Variants in GRK2 observed in about 807,000 individuals in gnomAD.
GRK2 encodes the protein G protein-coupled receptor kinase 2.
A neutral mutation model predicts 97.8 loss-of-function variants in GRK2; 23 were observed. The observed-to-expected ratio is 0.24, with a 90% CI of 0.17 to 0.33. The LOEUF is 0.33. Among genes scored for constraint, GRK2 ranks in the 10% least tolerant of loss-of-function variants. The pLI is 1.00. For synonymous variants in GRK2, 425 were observed against 381.7 expected (o/e 1.11, Z -1.32); for missense variants, 633 against 956.9 (o/e 0.66, Z 4.47).
chr11:67,281,641 C>G lies in GRK2; in HGVS notation c.748-9C>G. Reference sequence around the variant, plus strand: ...ACTGCCCGCCCCCTCCCCTCCTCTCCCCTCCTAGGACTGCCCATTCATTGT... The same window carrying G: ...ACTGCCCGCCCCCTCCCCTCCTCTCGCCTCCTAGGACTGCCCATTCATTGT... On this transcript the variant is annotated splice_polypyrimidine_tract_variant and intron_variant, in intron 9 of 20. Coordinates refer to ENST00000308595, the MANE Select transcript of GRK2 (RefSeq NM_001619.5). The surrounding 1 kb of genome is among the most constrained non-coding windows in gnomAD (Gnocchi z 5.7). The G allele has an allele frequency of 6.2e-7, 1 of 1,610,328 alleles. No homozygotes were observed. The highest frequency in any genetic ancestry group is 1.7e-5 in the Admixed American group (1 of 59,966).
Position 67,274,009 on chromosome 11 carries a change from C to CTT in GRK2, c.114-3243_114-3242dup, listed in dbSNP as rs1186824487. On this transcript the variant is annotated intron_variant, in intron 1 of 20. Coordinates refer to ENST00000308595, the MANE Select transcript of GRK2 (RefSeq NM_001619.5). ...GCCATTCCCTCTGCCAAACTGGCAC[C>CTT]TTTTTTTTTTTTTTTTTTTTTGAGA... Among the ~76,000 whole-genome samples, 261 of 126,744 alleles carry CTT rather than the reference C, an allele frequency of 2.1e-3. 1 individual carries two copies. The highest frequency in any genetic ancestry group is 4.6e-3 in the Admixed American group (53 of 11,492). The allele number at this position is 126,744 out of a possible 152,430, so 83.1% of individuals were successfully genotyped here. A position where few individuals can be genotyped will look rare whatever the true frequency, so the allele number is the denominator to read the frequency against.
intron 15 of GRK2, 93 bp from the exon 16 acceptor site, chr11:67,283,614 C>T: frequency 1.6e-6 from 2 of 1,285,956 alleles, no homozygotes; most frequent in Admixed American, 1.8e-5. Flanking sequence ...AAGGAACTTG[C>T]CCAAGTTCAC....
Position 67,286,532 on chromosome 11 carries a change from C to T in GRK2, c.*1082C>T, listed in dbSNP as rs1230064128. On this transcript the variant is annotated 3_prime_UTR_variant, in exon 21 of 21. Coordinates refer to ENST00000308595, the MANE Select transcript of GRK2 (RefSeq NM_001619.5). ...TTAAAGAGTGAAAAATGAGACTATG[C>T]GTTTTTATAAAAAATGGTGCCTGAT... 2.3e-5 allele frequency: 16 copies of T among 701,366 alleles called. No homozygotes were observed. The highest frequency in any genetic ancestry group is 5.9e-5 in the South Asian group (4 of 67,558). 43.4% of individuals were successfully genotyped at this position (701,366 alleles called of 1,614,324 possible).
At position 67,283,142 on chromosome 11, in the gene GRK2, C is replaced by T. The variant is rs61763968; in HGVS notation, c.1242C>T (p.Pro414=). The change falls in exon 15 of 21, where the codon CCC becomes CCT. Residue 414 remains proline, a synonymous_variant. Transcript: ENST00000308595. ...CCTCTCTAAAGGCCGTGGAGCTGCC[C>T]GACTCCTTCTCCCCTGAACTACGCT... ...RMTLTMAVEL[P]DSFSPELRSL... 1.9e-5 allele frequency: 30 copies of T among 1,613,902 alleles called. No homozygotes were observed. Among genetic ancestry groups the T allele is most frequent in the South Asian group, 3.3e-5 (3 of 91,072 alleles).
At position 67,276,493 on chromosome 11, in the gene GRK2, C is replaced by T. The variant is rs577635137; in HGVS notation, c.114-779C>T. On this transcript the variant is annotated intron_variant, in intron 1 of 20. Coordinates refer to ENST00000308595, the MANE Select transcript of GRK2 (RefSeq NM_001619.5). This position sits in a 1 kb window ranked among gnomAD's most constrained non-coding sequence, Gnocchi z 4.2. Reference sequence around the variant, plus strand: ...GGCCAGGCCCTCCCCTATGGCCATACCAAGCAACCCAGGGCAGGGGTCACA... The same window carrying T: ...GGCCAGGCCCTCCCCTATGGCCATATCAAGCAACCCAGGGCAGGGGTCACA... 1 of 152,198 alleles carries T rather than the reference C, an allele frequency of 6.6e-6. No individual in the cohort carries two copies. Among genetic ancestry groups the T allele is most frequent in the East Asian group, 1.9e-4 (1 of 5,168 alleles). The allele number at this position is 152,198 out of a possible 1,614,324, so 9.4% of individuals were successfully genotyped here. A position where few individuals can be genotyped will look rare whatever the true frequency, so the allele number is the denominator to read the frequency against.
rs564354651 is a variant in GRK2, at chr11:67,285,638, C to A, written c.*188C>A. ...CTGCACCAACCCAGCCGCTGCCCGG[C>A]GCCCTCTGTCCTGACTTCAGGGGCT... On this transcript the variant is annotated 3_prime_UTR_variant, in exon 21 of 21. Coordinates refer to ENST00000308595, the MANE Select transcript of GRK2 (RefSeq NM_001619.5). The A allele has an allele frequency of 7.1e-6, 5 of 703,428 alleles. No individual in the cohort carries two copies. The highest frequency in any genetic ancestry group is 1.1e-5 in the Non-Finnish European group (5 of 446,280). 43.6% of individuals were successfully genotyped at this position (703,428 alleles called of 1,614,324 possible).
Position 67,279,899 on chromosome 11 carries a change from A to C in GRK2, c.502A>C (p.Ser168Arg). 1 of 1,613,598 alleles carries C rather than the reference A, an allele frequency of 6.2e-7. No homozygotes were observed. The highest frequency in any genetic ancestry group is 8.5e-7 in the Non-Finnish European group (1 of 1,179,826). ...GGACGTGTTCCAGAAATTCATTGAGAGGTGAGAGCAGGGAAGTGTGGGAGA... is the reference window on the plus strand; with the variant it reads ...GGACGTGTTCCAGAAATTCATTGAGCGGTGAGAGCAGGGAAGTGTGGGAGA... Reference protein sequence around the residue: ...RGDVFQKFIESDKFTRFCQWK... With the variant: ...RGDVFQKFIERDKFTRFCQWK... The change falls in exon 6 of 21, where the codon AGC becomes CGC. Residue 168 changes from serine (S) to arginine (R), a missense_variant and splice_region_variant. Transcript: ENST00000308595.
In GRK2 at chr11:67,269,175, A is replaced by C; in HGVS notation, c.113+2363A>C. 6.6e-6 allele frequency among the ~76,000 whole-genome samples: 1 copy of C among 152,138 alleles called. No homozygotes were observed. Among genetic ancestry groups the C allele is most frequent in the African/African-American group, 2.4e-5 (1 of 41,432 alleles). ...CCTTGCACACCCAGTGGGGCAGAGC[A>C]CGCCGCCCCCCGCCCCCCGCCGCCC... On this transcript the variant is annotated intron_variant, in intron 1 of 20. Coordinates refer to ENST00000308595, the MANE Select transcript of GRK2 (RefSeq NM_001619.5). This position sits in a 1 kb window ranked among gnomAD's most constrained non-coding sequence, Gnocchi z 4.1.
In GRK2 at chr11:67,282,380, C is replaced by A; in HGVS notation, c.1052+15C>A. ...CATGCCAGCGTGTGAGTGCCCCCCA[C>A]CCTCTCCCTCCCCACCCCTTGCCAC... On this transcript the variant is annotated intron_variant, in intron 12 of 20. Coordinates refer to ENST00000308595, the MANE Select transcript of GRK2 (RefSeq NM_001619.5). This position sits in a 1 kb window ranked among gnomAD's most constrained non-coding sequence, Gnocchi z 6.9. 1 of 1,611,932 alleles carries A rather than the reference C, an allele frequency of 6.2e-7. No individual in the cohort carries two copies. The highest frequency in any genetic ancestry group is 8.5e-7 in the Non-Finnish European group (1 of 1,178,572).
chr11:67,269,670 C>T lies in GRK2; in HGVS notation c.113+2858C>T, dbSNP rs1280889770. Among the ~76,000 whole-genome samples, 1 of 152,210 alleles carries T rather than the reference C, an allele frequency of 6.6e-6. No homozygotes were observed. Among genetic ancestry groups the T allele is most frequent in the Non-Finnish European group, 1.5e-5 (1 of 68,032 alleles). ...CCGTCAGATGCAGGAGCCTGTCTTC[C>T]CCATACCCACAAGGTCAAGGTCAGA... is the stretch of plus-strand genomic sequence containing the variant. On this transcript the variant is annotated intron_variant, in intron 1 of 20. Transcript: ENST00000308595. The surrounding 1 kb of genome is among the most constrained non-coding windows in gnomAD (Gnocchi z 4.1).
intron 1 of GRK2, among the ~76,000 whole-genome samples, chr11:67,274,623 C>T (rs1421739279): frequency 6.6e-6 from 1 of 150,936 alleles, no homozygotes; most frequent in Non-Finnish European, 1.5e-5. Flanking sequence ...TCCAGTCTCC[C>T]AGTGCACAGC....
In GRK2 at chr11:67,279,443, C is replaced by G. The variant is rs200019576; in HGVS notation, c.290C>G (p.Thr97Arg). The stretch of plus-strand genomic sequence containing the variant: ...ATCAAGAAGTACGAGAAGCTGGAGA[C>G]GGAGGAGGAGCGTGTGGCCCGCAGC... ...EEIKKYEKLE[T>R]EEERVARSRE... Residue 97 changes from threonine (T) to arginine (R), a missense_variant, in exon 4 of 21, where the codon ACG becomes AGG. Thr to Arg is a moderately conservative substitution (Grantham distance 71). Transcript: ENST00000308595. 6.2e-7 allele frequency: 1 copy of G among 1,613,288 alleles called. No homozygotes were observed. Among genetic ancestry groups the G allele is most frequent in the South Asian group, 1.1e-5 (1 of 91,086 alleles).
At position 67,282,918 on chromosome 11, in the gene GRK2, G is replaced by A. The variant is rs1860186715; in HGVS notation, c.1227+100G>A. ...TTCCCACCAGCCAGCAGAGATCTGG[G>A]CCACTGACCCCTACTCTGGCCTCTG... On this transcript the variant is annotated intron_variant, in intron 14 of 20. Coordinates refer to ENST00000308595, the MANE Select transcript of GRK2 (RefSeq NM_001619.5). This position sits in a 1 kb window ranked among gnomAD's most constrained non-coding sequence, Gnocchi z 6.9. The A allele has an allele frequency of 1.5e-6, 2 of 1,350,522 alleles. No individual in the cohort carries two copies. Among genetic ancestry groups the A allele is most frequent in the Admixed American group, 1.9e-5 (1 of 51,472 alleles). 83.7% of individuals were successfully genotyped at this position (1,350,522 alleles called of 1,614,324 possible).
chr11:67,273,672 AG>A (rs1047318706), intron 1 of GRK2, among the ~76,000 whole-genome samples: 2 of 150,534 alleles, frequency 1.3e-5, no homozygotes, highest in African/African-American at 4.9e-5. Flanking sequence ...GCTTGGGGGG[AG>A]GGGGGTTGTT....
Position 67,282,185 on chromosome 11 carries a change from C to A in GRK2, c.958-86C>A. The A allele has an allele frequency of 7.3e-7, 1 of 1,377,038 alleles. No individual in the cohort carries two copies. The highest frequency in any genetic ancestry group is 1.0e-6 in the Non-Finnish European group (1 of 979,680). The allele number at this position is 1,377,038 out of a possible 1,614,324, so 85.3% of individuals were successfully genotyped here. A position where few individuals can be genotyped will look rare whatever the true frequency, so the allele number is the denominator to read the frequency against. ...TTCTTTGGGTACCCATCGTCCTCTC[C>A]AGTGAAGCAGTGACCCAGCTGGCAT... is the stretch of plus-strand genomic sequence containing the variant. On this transcript the variant is annotated intron_variant, in intron 11 of 20. Transcript: ENST00000308595. The surrounding 1 kb of genome is among the most constrained non-coding windows in gnomAD (Gnocchi z 6.9).
intron 1 of GRK2, among the ~76,000 whole-genome samples, chr11:67,273,125 A>G (rs1859946469): frequency 6.6e-6 from 1 of 152,208 alleles, no homozygotes; most frequent in Non-Finnish European, 1.5e-5. Flanking sequence ...GCGATTCAGC[A>G]TCTCATTGAC....
intron 1 of GRK2, among the ~76,000 whole-genome samples, chr11:67,268,617 G>A (rs1250651742): frequency 6.6e-6 from 1 of 152,130 alleles, no homozygotes; most frequent in African/African-American, 2.4e-5. Flanking sequence ...CTGCGTTCGG[G>A]TAATCTCCCC....
At chr11:67,277,236 G>C in intron 1 of GRK2, 36 bp from the exon 2 acceptor site, 1 of 1,608,652 alleles carries the variant, frequency 6.2e-7, no homozygotes, top group Non-Finnish European at 8.5e-7. Context: ...CACGGGCTCT[G>C]GGGGCTTCTG....
At chr11:67,270,629 A>G (rs897220135) in intron 1 of GRK2, among the ~76,000 whole-genome samples, 75 of 152,016 alleles carry the variant, frequency 4.9e-4, no homozygotes, top group African/African-American at 1.6e-3. Context: ...AGAACTTTCC[A>G]CTTCAGTGGC....
Sources: gnomAD v4.1 joint callset for allele counts (sites outside exome capture counted in the v4.1 genomes callset) on GRCh38, gnomAD v4.1.1 for gene constraint, Gnocchi (gnomAD v3.1) non-coding constraint, MANE v1.5 for transcripts, NCBI Gene and HGNC (gene_info 2026-07-23, HGNC 2026-07-21) for gene names.